Variants in SDK1 observed in about 807,000 individuals in gnomAD.
SDK1 encodes sidekick cell adhesion molecule 1, also known as protein sidekick-1.
SDK1 carries 157 observed loss-of-function variants against 245.5 expected under a neutral mutation model. The ratio of observed to expected loss-of-function variants is 0.64; its 90% CI spans 0.56 to 0.73. The LOEUF (loss-of-function observed/expected upper bound fraction) is 0.73. SDK1 is among the 30% of genes least tolerant of loss of function. The pLI is 0.00. For synonymous variants in SDK1, 1,647 were observed against 1,278.5 expected, an observed-to-expected ratio of 1.29 and a Z score of -6.15; for missense variants, 3,583 against 3,002.3, an observed-to-expected ratio of 1.19 and a Z score of -4.52.
At chr7:3,706,568 A>AT (rs753708123) in intron 4 of SDK1, among the ~76,000 whole-genome samples, 1 of 151,886 alleles carries the variant, frequency 6.6e-6, no homozygotes, top group Non-Finnish European at 1.5e-5. Flanking sequence ...CACCCGGCTA[A>AT]TTTTTTTGTA....
chr7:4,228,003 A>G (rs960340164), intron 40 of SDK1, among the ~76,000 whole-genome samples: 1 of 152,246 alleles, frequency 6.6e-6, no homozygotes, highest in African/African-American at 2.4e-5. Flanking sequence ...AGGATCTTCA[A>G]TATTAGCCAC....
Position 4,145,914 on chromosome 7 carries a change from G to C in SDK1, c.4421G>C (p.Arg1474Thr), listed in dbSNP as rs972392922. The C allele has an allele frequency of 6.2e-7, 1 of 1,603,496 alleles. No homozygotes were observed. The highest frequency in any genetic ancestry group is 1.1e-5 in the South Asian group (1 of 89,934). ...GCCACCGTCATCACCACCGAGAAGA[G>C]AGGTAAGACCTTGGGGGACCCGGGG... ...LEATVITTEK[R>T]ERPAPPRELL... is the part of the protein sequence containing the mutation. The change falls in exon 29 of 45, where the codon AGA becomes ACA. Residue 1474 changes from arginine (R) to threonine (T), a missense_variant and splice_region_variant. Physicochemically the swap from Arg to Thr is moderately conservative, Grantham distance 71. Coordinates refer to ENST00000404826, the MANE Select transcript of SDK1 (RefSeq NM_152744.4).
At chr7:3,565,673 C>T (rs181606173) in intron 1 of SDK1, among the ~76,000 whole-genome samples, 4 of 152,310 alleles carry the variant, frequency 2.6e-5, no homozygotes, top group Admixed American at 2.6e-4. Context: ...AAATCCCTGA[C>T]TTAAAACAGC....
chr7:3,598,059 G>A (rs1781125379), intron 1 of SDK1, among the ~76,000 whole-genome samples: 1 of 152,142 alleles, frequency 6.6e-6, no homozygotes, highest in Non-Finnish European at 1.5e-5. Flanking sequence ...CACCAGTAAT[G>A]TATGAGTTGC....
chr7:4,032,567 G>A (rs1290295337), intron 17 of SDK1, among the ~76,000 whole-genome samples: 4 of 152,098 alleles, frequency 2.6e-5, no homozygotes, highest in Non-Finnish European at 4.4e-5. Context: ...ATCTTTATTT[G>A]CAGATAATAA....
chr7:3,787,078 G>A (rs572606012), intron 4 of SDK1, among the ~76,000 whole-genome samples: 27 of 150,494 alleles, frequency 1.8e-4, no homozygotes, highest in Admixed American at 4.6e-4. Flanking sequence ...TTGGAAATAG[G>A]AAATGAGACT....
chr7:3,666,956 T>G (rs1436641825), intron 4 of SDK1, among the ~76,000 whole-genome samples: 2 of 152,178 alleles, frequency 1.3e-5, no homozygotes, highest in Admixed American at 1.3e-4. Context: ...TGAAGTGAGT[T>G]TTTTATTTAC....
chr7:3,815,741 G>A (rs548469270), intron 4 of SDK1, among the ~76,000 whole-genome samples: 8 of 151,628 alleles, frequency 5.3e-5, no homozygotes, highest in Admixed American at 2.0e-4. Context: ...TGCACCAAGC[G>A]GACCTAATAG....
intron 22 of SDK1, among the ~76,000 whole-genome samples, chr7:4,091,367 G>A (rs927893209): frequency 1.3e-5 from 1 of 74,768 alleles, no homozygotes; most frequent in Non-Finnish European, 2.4e-5. Flanking sequence ...GTTTGAGACA[G>A]AGTCTCACTC....
At chr7:4,130,996 T>C (rs573891713) in intron 27 of SDK1, among the ~76,000 whole-genome samples, 2 of 152,222 alleles carry the variant, frequency 1.3e-5, no homozygotes, top group African/African-American at 4.8e-5. Flanking sequence ...GATCCTCGCC[T>C]CGCCTCACGG....
intron 5 of SDK1, among the ~76,000 whole-genome samples, chr7:3,828,390 A>G (rs1247798790): frequency 6.6e-6 from 1 of 152,028 alleles, no homozygotes; most frequent in Non-Finnish European, 1.5e-5. Context: ...TTCCATTTTC[A>G]TCTGTTGCTT....
chr7:3,340,792 A>G (rs1250863481), intron 1 of SDK1, among the ~76,000 whole-genome samples: 2 of 151,800 alleles, frequency 1.3e-5, no homozygotes, highest in Non-Finnish European at 2.9e-5. Context: ...ATCATCTATG[A>G]AGCACAATAA....
At chr7:3,374,982 G>A (rs1362726793) in intron 1 of SDK1, among the ~76,000 whole-genome samples, 2 of 152,106 alleles carry the variant, frequency 1.3e-5, no homozygotes, top group Admixed American at 1.3e-4. Context: ...ACCTGTAATT[G>A]TATGTGCCAC....
At chr7:3,461,145 A>G (rs912106153) in intron 1 of SDK1, among the ~76,000 whole-genome samples, 4 of 152,162 alleles carry the variant, frequency 2.6e-5, no homozygotes, top group African/African-American at 7.2e-5. Context: ...CAATCTAGCA[A>G]TCCCTTGTTG....
chr7:4,207,637 G>T (rs145115594), intron 36 of SDK1, among the ~76,000 whole-genome samples: 145 of 152,178 alleles, frequency 9.5e-4, no homozygotes, highest in African/African-American at 3.3e-3. Flanking sequence ...GGAGTTGGGG[G>T]TTTGTTGTCT....
rs146064100 is a variant in SDK1 at position 3,546,218 on chromosome 7, G to A, written c.299-72862G>A. Among the ~76,000 whole-genome samples the A allele has an allele frequency of 3.4e-3, 518 of 152,252 alleles. 3 individuals are homozygous for A. The highest frequency in any genetic ancestry group is 0.01 in the Middle Eastern group (3 of 294). ...GGAGTTCCCTGAGGATGATGACACC[G>A]CGGGTCTGGGAACCACACTGTAACG... On this transcript the variant is annotated intron_variant, in intron 1 of 44. Coordinates refer to ENST00000404826, the MANE Select transcript of SDK1 (RefSeq NM_152744.4).
intron 1 of SDK1, among the ~76,000 whole-genome samples, chr7:3,562,511 C>T (rs537164500): frequency 1.3e-5 from 2 of 152,126 alleles, no homozygotes; most frequent in African/African-American, 4.8e-5. Context: ...CTAGGAACCC[C>T]TTGGGAGACT....
At position 4,268,485 on chromosome 7, in the gene SDK1, A is replaced by C. The variant is rs568525298; in HGVS notation, c.*3101A>C. On this transcript the variant is annotated 3_prime_UTR_variant, in exon 45 of 45. Coordinates refer to ENST00000404826, the MANE Select transcript of SDK1 (RefSeq NM_152744.4). Reference sequence around the variant, plus strand: ...CACTTCACTCAATGCTGTAGCCAAAAAACGAGGGGCCCCAGGGAGAGGGGA... The same window carrying C: ...CACTTCACTCAATGCTGTAGCCAAACAACGAGGGGCCCCAGGGAGAGGGGA... The C allele has an allele frequency of 2.6e-6, 3 of 1,175,892 alleles. No homozygotes were observed. In the South Asian group the frequency reaches 4.8e-5, roughly 19 times the overall value. The allele number at this position is 1,175,892 out of a possible 1,614,324, so 72.8% of individuals were successfully genotyped here. A position where few individuals can be genotyped will look rare whatever the true frequency, so the allele number is the denominator to read the frequency against.
Position 4,267,752 on chromosome 7 carries a change from A to G in SDK1, c.*2368A>G, listed in dbSNP as rs911389675. The G allele has an allele frequency of 7.1e-6, 7 of 985,326 alleles. No homozygotes were observed. In the African/African-American group the frequency reaches 1.2e-4, roughly 17 times the overall value. 61.0% of individuals were successfully genotyped at this position (985,326 alleles called of 1,614,324 possible). ...ATCATGACACTTCTGTTTCAAGCTC[A>G]TGTTTTCCGTCTCCCCTCCACTCTT... On this transcript the variant is annotated 3_prime_UTR_variant, in exon 45 of 45. Coordinates refer to ENST00000404826, the MANE Select transcript of SDK1 (RefSeq NM_152744.4).
Sources: gnomAD v4.1 joint callset for allele counts (sites outside exome capture counted in the v4.1 genomes callset) on GRCh38, gnomAD v4.1.1 for gene constraint, MANE v1.5 for transcripts, NCBI Gene and HGNC (gene_info 2026-07-23, HGNC 2026-07-21) for gene names.